The following FOCAD variants were observed in gnomAD, a reference collection of about 807,000 sequenced individuals.
The protein encoded by FOCAD is focadhesin.
A neutral mutation model predicts 225.6 loss-of-function variants in FOCAD; 198 were observed. That is an observed-to-expected ratio of 0.88 (90% CI 0.78 to 0.99). The LOEUF (loss-of-function observed/expected upper bound fraction) is 0.99, where lower values mean the gene tolerates loss of function less well. FOCAD is among the 50% of genes least tolerant of loss of function. The pLI, the probability that FOCAD is intolerant of heterozygous loss-of-function variation, is 0.00. For synonymous variants in FOCAD, 897 were observed against 755.0 expected, an observed-to-expected ratio of 1.19 and a Z score of -3.08; for missense variants, 2,713 against 2,123.6, an observed-to-expected ratio of 1.28 and a Z score of -5.46.
At chr9:20,719,221 A>G (rs1410527823) in intron 3 of FOCAD, among the ~76,000 whole-genome samples, 1 of 152,056 alleles carries the variant, frequency 6.6e-6, no homozygotes, top group Non-Finnish European at 1.5e-5. Context: ...AGCTGGGACT[A>G]CAGGTGTGTG....
chr9:20,984,757 T>C (rs1394717805), intron 39 of FOCAD, among the ~76,000 whole-genome samples: 2 of 152,162 alleles, frequency 1.3e-5, no homozygotes, highest in East Asian at 3.9e-4. Flanking sequence ...CGGACATCCT[T>C]CTTTTACATT....
chr9:20,843,365 T>A (rs1403681341), intron 15 of FOCAD, among the ~76,000 whole-genome samples: 1 of 152,090 alleles, frequency 6.6e-6, no homozygotes, highest in Non-Finnish European at 1.5e-5. Flanking sequence ...AGGATATTTT[T>A]ACTGAATATA....
At chr9:20,857,769 G>GTTT (rs34385218) in intron 15 of FOCAD, among the ~76,000 whole-genome samples, 2 of 124,702 alleles carry the variant, frequency 1.6e-5, no homozygotes, top group Non-Finnish European at 3.4e-5. Flanking sequence ...TCTATACCCA[G>GTTT]TTTTTTTTTT....
intron 17 of FOCAD, among the ~76,000 whole-genome samples, chr9:20,866,445 C>T (rs548948748): frequency 2.6e-5 from 4 of 152,050 alleles, no homozygotes; most frequent in South Asian, 4.1e-4. Flanking sequence ...GGTGGAGAAT[C>T]GGAATCCAAA....
chr9:20,713,209 A>G (rs763641925), intron 1 of FOCAD, among the ~76,000 whole-genome samples: 1 of 152,184 alleles, frequency 6.6e-6, no homozygotes, highest in Non-Finnish European at 1.5e-5. Flanking sequence ...GTGGCCTACA[A>G]GGCCTTTTAT....
intron 1 of FOCAD, chr9:20,694,650 T>G (rs979370982): frequency 1.3e-5 from 2 of 152,210 alleles, no homozygotes; most frequent in African/African-American, 2.4e-5. Context: ...TAAAAATGTC[T>G]TACTAAAACA....
chr9:20,827,046 A>G (rs1042872772), intron 15 of FOCAD, among the ~76,000 whole-genome samples: 3 of 152,144 alleles, frequency 2.0e-5, no homozygotes, highest in African/African-American at 7.2e-5. Flanking sequence ...TTATTGAGAT[A>G]TAATTCACAA....
At chr9:20,841,317 A>G (rs1408851659) in intron 15 of FOCAD, among the ~76,000 whole-genome samples, 1 of 151,680 alleles carries the variant, frequency 6.6e-6, no homozygotes, top group Non-Finnish European at 1.5e-5. Flanking sequence ...GTTCTTCTAT[A>G]AATGTTTAGT....
intron 39 of FOCAD, 65 bp downstream of exon 39, chr9:20,982,511 T>A: frequency 7.6e-7 from 1 of 1,322,322 alleles, no homozygotes; most frequent in Non-Finnish European, 1.1e-6. Context: ...GAATAATTGA[T>A]TTCAGTGTTT....
chr9:20,828,987 A>C (rs1587328920), intron 15 of FOCAD, among the ~76,000 whole-genome samples: 1 of 152,134 alleles, frequency 6.6e-6, no homozygotes, highest in African/African-American at 2.4e-5. Context: ...TTATGGCTGC[A>C]TAGTATTCCA....
chr9:20,728,038 G>A (rs186946248), intron 4 of FOCAD, among the ~76,000 whole-genome samples: 1 of 152,308 alleles, frequency 6.6e-6, no homozygotes, highest in African/African-American at 2.4e-5. Context: ...TCTGATACAT[G>A]TTATTCATAT....
In FOCAD at chr9:20,715,331, A is replaced by G. The variant is rs753065443; in HGVS notation, c.-23A>G. ...TTTGTTTTGGTTACAGAAGCTGCAC[A>G]CATACATGTAAGAGAAGCAAAAATG... On this transcript the variant is annotated 5_prime_UTR_variant, in exon 2 of 44. Transcript: ENST00000338382. 5.4e-6 allele frequency: 8 copies of G among 1,490,342 alleles called. No homozygotes were observed. Among genetic ancestry groups the G allele is most frequent in the Non-Finnish European group, 7.2e-6 (8 of 1,108,262 alleles). The allele number at this position is 1,490,342 out of a possible 1,614,324, so 92.3% of individuals were successfully genotyped here.
At chr9:20,679,849 G>C (rs938334118), upstream of FOCAD, among the ~76,000 whole-genome samples, 1 of 152,010 alleles carries the variant, frequency 6.6e-6, no homozygotes, top group Non-Finnish European at 1.5e-5. Flanking sequence ...GTCTGAGCTG[G>C]GCCTTCTGGA....
Position 20,715,420 on chromosome 9 carries a change from T to C in FOCAD, c.57+10T>C, listed in dbSNP as rs748108624. ...TCTTATCCAATCACAGGTAATTTTG[T>C]TTGTTTATTTTTGCTCATGGTAACA... On this transcript the variant is annotated intron_variant, in intron 2 of 43. Transcript: ENST00000338382. 6.7e-7 allele frequency: 1 copy of C among 1,483,112 alleles called. No individual in the cohort carries two copies. Among genetic ancestry groups the C allele is most frequent in the Non-Finnish European group, 9.1e-7 (1 of 1,104,616 alleles). 91.9% of individuals were successfully genotyped at this position (1,483,112 alleles called of 1,614,324 possible). A position where few individuals can be genotyped will look rare whatever the true frequency, so the allele number is the denominator to read the frequency against.
chr9:20,911,930 G>A (rs1833472819), intron 22 of FOCAD, among the ~76,000 whole-genome samples: 1 of 152,100 alleles, frequency 6.6e-6, no homozygotes, highest in Admixed American at 6.6e-5. Flanking sequence ...AAGAAGATAT[G>A]AAAAGATCCT....
chr9:20,752,596 G>T (rs1313947433), intron 5 of FOCAD, among the ~76,000 whole-genome samples: 1 of 152,126 alleles, frequency 6.6e-6, no homozygotes, highest in Non-Finnish European at 1.5e-5. Flanking sequence ...GTGGTGTGAT[G>T]CCTCCAGCTT....
At chr9:20,913,511 A>G (rs1833619519) in intron 23 of FOCAD, among the ~76,000 whole-genome samples, 1 of 152,106 alleles carries the variant, frequency 6.6e-6, no homozygotes, top group African/African-American at 2.4e-5. Flanking sequence ...AGAATACTCT[A>G]TCAGATTTGT....
intron 5 of FOCAD, among the ~76,000 whole-genome samples, chr9:20,748,771 GT>G (rs1315237010): frequency 6.6e-6 from 1 of 152,076 alleles, no homozygotes; most frequent in African/African-American, 2.4e-5. Context: ...ACTCAGGAAA[GT>G]CTTTATTCAC....
intron 1 of FOCAD, among the ~76,000 whole-genome samples, chr9:20,700,496 C>A (rs1281731642): frequency 7.4e-5 from 11 of 147,932 alleles, no homozygotes; most frequent in African/African-American, 2.2e-4. Flanking sequence ...GGCTGAAGTT[C>A]ACCTTTGCAC....
Sources: allele counts gnomAD v4.1 joint callset (sites outside exome capture counted in the v4.1 genomes callset), GRCh38; gene constraint gnomAD v4.1.1; transcripts MANE v1.5; gene names NCBI Gene and HGNC (gene_info 2026-07-23, HGNC 2026-07-21).